The following PARD3 variants were observed in gnomAD, a reference collection of about 807,000 sequenced individuals.
PARD3 encodes partitioning defective 3 homolog.
A neutral mutation model predicts 155.4 loss-of-function variants in PARD3; 75 were observed. The ratio of observed to expected loss-of-function variants is 0.48; its 90% confidence interval spans 0.40 to 0.58. The LOEUF (loss-of-function observed/expected upper bound fraction) is 0.58. Among genes scored for constraint, PARD3 ranks in the 20% least tolerant of loss-of-function variants. PARD3 has a pLI of 0.00. For synonymous variants in PARD3, 576 were observed against 610.5 expected (o/e 0.94, Z 0.83); for missense variants, 1,642 against 1,721.7 (o/e 0.95, Z 0.82).
intron 22 of PARD3, among the ~76,000 whole-genome samples, chr10:34,204,898 A>G (rs369592143): frequency 1.3e-5 from 2 of 152,216 alleles, no homozygotes; most frequent in African/African-American, 4.8e-5. Context: ...CAAGTCCATT[A>G]ATTTTTATAA....
At chr10:34,519,643 T>C (rs2133665751) in intron 2 of PARD3, among the ~76,000 whole-genome samples, 1 of 151,742 alleles carries the variant, frequency 6.6e-6, no homozygotes, top group Non-Finnish European at 1.5e-5. Flanking sequence ...ATGAAACCCA[T>C]CTCTACCAAA....
chr10:34,314,712 C>T (rs1589148599), intron 20 of PARD3, among the ~76,000 whole-genome samples: 1 of 152,272 alleles, frequency 6.6e-6, no homozygotes, highest in African/African-American at 2.4e-5. Flanking sequence ...GCACAGTCGT[C>T]ATTATATAGT....
chr10:34,765,184 G>A (rs12358036), intron 1 of PARD3, among the ~76,000 whole-genome samples: 2,570 of 152,074 alleles, frequency 0.017, 33 homozygotes, highest in South Asian at 0.039. Context: ...CAATACTTCC[G>A]TCCAAAGAAA....
intron 1 of PARD3, among the ~76,000 whole-genome samples, chr10:34,731,271 T>A (rs1476861885): frequency 6.6e-6 from 1 of 152,120 alleles, no homozygotes. Flanking sequence ...GCAAAGAAAA[T>A]GTATTCTGAT....
chr10:34,801,126 A>G (rs1842806834), intron 1 of PARD3, among the ~76,000 whole-genome samples: 4 of 152,244 alleles, frequency 2.6e-5, no homozygotes, highest in Admixed American at 2.6e-4. Flanking sequence ...GCACAAAAAC[A>G]AAGGGGAAGC....
At chr10:34,499,612 T>A (rs1319343945) in intron 3 of PARD3, among the ~76,000 whole-genome samples, 1 of 152,184 alleles carries the variant, frequency 6.6e-6, no homozygotes, top group African/African-American at 2.4e-5. Flanking sequence ...TAAACATGGA[T>A]CTGTTGAAAT....
Position 34,672,185 on chromosome 10 carries a change from T to C in PARD3, c.222+24133A>G, listed in dbSNP as rs376678152. Among the ~76,000 whole-genome samples the C allele has an allele frequency of 1.5e-3, 228 of 152,182 alleles. 1 individual carries two copies. The highest frequency in any genetic ancestry group is 5.4e-3 in the African/African-American group (225 of 41,516). ...TCTGTTTTTTCAAAAAAGAATAACC[T>C]CTCTCCCTTTCACGACTGCCATTAG... On this transcript the variant is annotated intron_variant, in intron 2 of 24. Transcript: ENST00000374788.
intron 20 of PARD3, among the ~76,000 whole-genome samples, chr10:34,293,475 TACAA>T (rs1471165187): frequency 1.3e-5 from 2 of 152,124 alleles, no homozygotes; most frequent in African/African-American, 2.4e-5. Flanking sequence ...ATAAAATATA[TACAA>T]ACATACTATA....
intron 2 of PARD3, among the ~76,000 whole-genome samples, chr10:34,601,519 T>G (rs1461468476): frequency 6.6e-6 from 1 of 152,198 alleles, no homozygotes; most frequent in Non-Finnish European, 1.5e-5. Flanking sequence ...AACTAGTTAT[T>G]TATGCTTTAG....
At chr10:34,723,652 C>T (rs1394367396) in intron 1 of PARD3, among the ~76,000 whole-genome samples, 1 of 152,192 alleles carries the variant, frequency 6.6e-6, no homozygotes, top group Non-Finnish European at 1.5e-5. Context: ...TGTCAGAAGA[C>T]TTTTAAACTT....
chr10:34,265,198 A>G (rs938564380), intron 22 of PARD3, among the ~76,000 whole-genome samples: 3 of 152,256 alleles, frequency 2.0e-5, no homozygotes, highest in Non-Finnish European at 4.4e-5. Flanking sequence ...CACTGTGACT[A>G]TAGCCTACAG....
In PARD3 at chr10:34,413,180, C is replaced by CACACACACACACACAT. The variant is rs775445941; in HGVS notation, c.715-11264_715-11263insATGTGTGTGTGTGTGT. 2.8e-3 allele frequency among the ~76,000 whole-genome samples: 405 copies of CACACACACACACACAT among 145,190 alleles called. 1 individual carries two copies. The highest frequency in any genetic ancestry group is 9.3e-3 in the African/African-American group (369 of 39,592). ...ACACACACACACACACACACACACA[C>CACACACACACACACAT]ATATATATAAGACTTTGTAACTGAT... On this transcript the variant is annotated intron_variant, in intron 5 of 24. Transcript: ENST00000374788.
At chr10:34,623,995 A>G (rs2091848899) in intron 2 of PARD3, among the ~76,000 whole-genome samples, 1 of 150,192 alleles carries the variant, frequency 6.7e-6, no homozygotes, top group African/African-American at 2.5e-5. Context: ...AAAAAAAAAA[A>G]GTCAGCGCGC....
intron 15 of PARD3, chr10:34,344,282 T>G (rs929013945): frequency 5.7e-4 from 127 of 222,744 alleles, no homozygotes; most frequent in Middle Eastern, 2.1e-3. Flanking sequence ...TTGTTTTTGT[T>G]TTTTTTTTTT....
intron 19 of PARD3, among the ~76,000 whole-genome samples, chr10:34,327,259 C>T (rs1008320390): frequency 2.0e-4 from 30 of 152,142 alleles, no homozygotes; most frequent in African/African-American, 7.0e-4. Flanking sequence ...TCCCAGAATA[C>T]AAAGCTCCAT....
At chr10:34,610,107 A>T (rs558822160) in intron 2 of PARD3, among the ~76,000 whole-genome samples, 1 of 152,280 alleles carries the variant, frequency 6.6e-6, no homozygotes, top group Admixed American at 6.5e-5. Context: ...ATCTACTCTA[A>T]TCTCTGGTAG....
chr10:34,530,788 C>A (rs1482124145), intron 2 of PARD3, among the ~76,000 whole-genome samples: 1 of 152,186 alleles, frequency 6.6e-6, no homozygotes, highest in African/African-American at 2.4e-5. Context: ...ATAGTAACGA[C>A]CATCCTTTCC....
intron 22 of PARD3, among the ~76,000 whole-genome samples, chr10:34,222,513 C>T (rs1165355284): frequency 6.6e-6 from 1 of 152,218 alleles, no homozygotes; most frequent in African/African-American, 2.4e-5. Flanking sequence ...AAAACACAAA[C>T]AGCAGCAACA....
intron 2 of PARD3, among the ~76,000 whole-genome samples, chr10:34,596,193 G>A (rs978842031): frequency 2.0e-5 from 3 of 151,726 alleles, no homozygotes; most frequent in African/African-American, 7.3e-5. Context: ...AACTTTGGGA[G>A]CACTCAAGTT....
Sources: gnomAD v4.1 joint callset for allele counts (sites outside exome capture counted in the v4.1 genomes callset) on GRCh38, gnomAD v4.1.1 for gene constraint, MANE v1.5 for transcripts, NCBI Gene and HGNC (gene_info 2026-07-23, HGNC 2026-07-21) for gene names.